PTK2: variants seen among roughly 807,000 people sequenced by gnomAD.
PTK2 encodes protein tyrosine kinase 2.
Under a neutral mutation model 150.1 loss-of-function variants are expected in PTK2, and 45 were observed. The ratio of observed to expected loss-of-function variants is 0.30; its 90% CI spans 0.24 to 0.38. The LOEUF (loss-of-function observed/expected upper bound fraction) is 0.38, where lower values mean the gene tolerates loss of function less well. Among genes scored for constraint, PTK2 ranks in the 10% least tolerant of loss-of-function variants. The probability of loss-of-function intolerance (pLI) is 1.00; values close to 1 mark genes in which losing one functional copy is unlikely to be tolerated. For synonymous variants in PTK2, 432 were observed against 449.2 expected (o/e 0.96, Z 0.48); for missense variants, 919 against 1,307.3 (o/e 0.70, Z 4.58).
intron 10 of PTK2, among the ~76,000 whole-genome samples, chr8:140,816,578 T>C (rs1000849844): frequency 1.2e-4 from 18 of 152,208 alleles, no homozygotes; most frequent in African/African-American, 4.1e-4. Context: ...ACTGATTTCC[T>C]TGATGTGTAA....
At chr8:140,696,022 A>G (rs2100026324) in intron 26 of PTK2, among the ~76,000 whole-genome samples, 2 of 152,198 alleles carry the variant, frequency 1.3e-5, no homozygotes, top group Admixed American at 1.3e-4. Context: ...CACCAATGCT[A>G]TGATTCCTGT....
intron 3 of PTK2, among the ~76,000 whole-genome samples, chr8:140,886,499 C>T (rs1302614502): frequency 6.6e-6 from 1 of 152,132 alleles, no homozygotes; most frequent in Non-Finnish European, 1.5e-5. Context: ...GTGGTAGATT[C>T]AAGAGACTAC....
intron 26 of PTK2, among the ~76,000 whole-genome samples, chr8:140,697,935 T>C (rs2100027855): frequency 7.3e-6 from 1 of 136,774 alleles, no homozygotes; most frequent in South Asian, 2.6e-4. Context: ...ACTTAAGCGA[T>C]CTCCCTGCCT....
At chr8:140,686,556 T>A in intron 27 of PTK2, 76 bp downstream of exon 30, 1 of 1,104,554 alleles carries the variant, frequency 9.1e-7, no homozygotes, top group Non-Finnish European at 1.4e-6. Flanking sequence ...TAAACTTGGA[T>A]ATATTGTGAC....
chr8:140,830,329 G>A, intron 8 of PTK2, 143 bp downstream of exon 8: 1 of 598,368 alleles, frequency 1.7e-6, no homozygotes, highest in South Asian at 2.1e-5. Flanking sequence ...AATGTGACTA[G>A]AATAAATGTC....
exon 28 of PTK2, chr8:140,675,468 C>T (rs1184349697): frequency 6.2e-7 from 1 of 1,612,482 alleles, no homozygotes; most frequent in Non-Finnish European, 8.5e-7. Context: ...ACCTGGTTTA[C>T]CCACAGGCTG....
At chr8:140,944,359 G>T (rs1392049517) in intron 1 of PTK2, among the ~76,000 whole-genome samples, 1 of 152,156 alleles carries the variant, frequency 6.6e-6, no homozygotes, top group East Asian at 1.9e-4. Flanking sequence ...CAATTCAGTA[G>T]GTGGCACTAT....
chr8:140,706,195 G>T, exon 24 of PTK2: 1 of 1,612,250 alleles, frequency 6.2e-7, no homozygotes, highest in Non-Finnish European at 8.5e-7. Context: ...GGGATAACCC[G>T]GTCTGCTGGG....
chr8:140,800,497 T>C, exon 12 of PTK2: 1 of 1,613,882 alleles, frequency 6.2e-7, no homozygotes, highest in Non-Finnish European at 8.5e-7. Flanking sequence ...CGAGGTTCCA[T>C]TCACCAGCCG....
At chr8:140,853,140 C>T (rs1242261250) in intron 5 of PTK2, among the ~76,000 whole-genome samples, 8 of 151,928 alleles carry the variant, frequency 5.3e-5, no homozygotes, top group Non-Finnish European at 1.0e-4. Flanking sequence ...CTTAAACACT[C>T]AAGCTCAGGC....
chr8:140,890,415 A>G, intron 3 of PTK2, 128 bp downstream of exon 3: 1 of 708,346 alleles, frequency 1.4e-6, no homozygotes, highest in Non-Finnish European at 2.2e-6. Flanking sequence ...AATTAAAAAT[A>G]GCATTTCTGT....
chr8:140,987,682 A>AGAAC (rs1433677995), intron 1 of PTK2, among the ~76,000 whole-genome samples: 2 of 152,252 alleles, frequency 1.3e-5, no homozygotes, highest in Non-Finnish European at 2.9e-5. Context: ...CAGAGCAACC[A>AGAAC]GAACTCTCAT....
chr8:140,857,381 G>C (rs1441818616), intron 5 of PTK2, among the ~76,000 whole-genome samples: 1 of 152,034 alleles, frequency 6.6e-6, no homozygotes, highest in Non-Finnish European at 1.5e-5. Flanking sequence ...TCAGCTCCTC[G>C]AATCTCCAAG....
intron 1 of PTK2, among the ~76,000 whole-genome samples, chr8:140,956,586 T>TG (rs1431287179): frequency 2.6e-5 from 4 of 152,194 alleles, no homozygotes; most frequent in Admixed American, 1.3e-4. Flanking sequence ...GCAGGTCCTT[T>TG]GGGAGGTATT....
intron 1 of PTK2, among the ~76,000 whole-genome samples, chr8:140,938,040 T>C (rs2100174305): frequency 6.6e-6 from 1 of 152,248 alleles, no homozygotes; most frequent in South Asian, 2.1e-4. Flanking sequence ...TTCTAACAGT[T>C]ATCTAAGAAG....
chr8:140,743,317 G>A (rs1199666239), exon 20 of PTK2: 2 of 1,612,418 alleles, frequency 1.2e-6, no homozygotes, highest in Non-Finnish European at 8.5e-7. Context: ...AGAACATTCC[G>A]AGCAGCAATG....
At chr8:140,983,744 G>A (rs2100192304) in intron 1 of PTK2, 2 of 151,820 alleles carry the variant, frequency 1.3e-5, no homozygotes, top group East Asian at 1.9e-4. Context: ...GAGGGAGGGA[G>A]GTGCAATTTT....
chr8:140,945,317 G>A (rs1371724255), intron 1 of PTK2, among the ~76,000 whole-genome samples: 1 of 152,176 alleles, frequency 6.6e-6, no homozygotes. Flanking sequence ...GGACACTATG[G>A]CTCATGCCTG....
At chr8:140,880,966 AG>A (rs1263009118) in intron 3 of PTK2, among the ~76,000 whole-genome samples, 21 of 152,210 alleles carry the variant, frequency 1.4e-4, no homozygotes, top group Non-Finnish European at 2.1e-4. Context: ...TACCAAGCAC[AG>A]GAAGTGGCAG....
Sources: gnomAD v4.1 joint callset for allele counts (sites outside exome capture counted in the v4.1 genomes callset) on GRCh38, gnomAD v4.1.1 for gene constraint, MANE v1.5 for transcripts, NCBI Gene and HGNC (gene_info 2026-07-23, HGNC 2026-07-21) for gene names.